ATP6V0A2: variants seen among roughly 807,000 people sequenced by gnomAD.
ATP6V0A2 encodes the protein V-type proton ATPase 116 kDa subunit a 2.
In ATP6V0A2, 58 loss-of-function variants were observed where a neutral mutation model predicts 104.4. That is an observed-to-expected ratio of 0.56 (90% CI 0.45 to 0.69). ATP6V0A2 has a LOEUF of 0.69. ATP6V0A2 is among the 30% of genes least tolerant of loss of function. ATP6V0A2 has a pLI of 0.00. For missense variants in ATP6V0A2, 938 were observed against 1,062.9 expected (o/e 0.88, Z 1.63); for synonymous variants, 376 against 397.9 (o/e 0.95, Z 0.65).
rs1484018793 is a variant in ATP6V0A2 at position 123,760,559 on chromosome 12, A to G, written c.*2527A>G. 2 of 152,000 alleles carry G rather than the reference A, an allele frequency of 1.3e-5. No individual in the cohort carries two copies. Among genetic ancestry groups the G allele is most frequent in the Non-Finnish European group, 2.9e-5 (2 of 68,030 alleles). The allele number at this position is 152,000 out of a possible 1,614,324, so 9.4% of individuals were successfully genotyped here. A position where few individuals can be genotyped will look rare whatever the true frequency, so the allele number is the denominator to read the frequency against. On this transcript the variant is annotated 3_prime_UTR_variant, in exon 20 of 20. Coordinates refer to ENST00000330342, the MANE Select transcript of ATP6V0A2 (RefSeq NM_012463.4). ...AGAGCACAGATGGCAAGTTGTGTGG[A>G]TGATACTGAATATGTTTATTTTCCT...
chr12:123,743,608 A>G (rs940511788), intron 9 of ATP6V0A2, among the ~76,000 whole-genome samples, 177 bp from the exon 10 acceptor site: 3 of 151,702 alleles, frequency 2.0e-5, no homozygotes, highest in Non-Finnish European at 4.4e-5. Context: ...AGCCGAGATC[A>G]CACCATTGCA....
Position 123,759,484 on chromosome 12 carries a change from C to G in ATP6V0A2, c.*1452C>G, listed in dbSNP as rs1196795830. ...GGTTTTTTGTGAACTTGAGTCAGTC[C>G]TATTGAACATTTTGACCTATATTCT... is the stretch of plus-strand genomic sequence containing the variant. On this transcript the variant is annotated 3_prime_UTR_variant, in exon 20 of 20. Coordinates refer to ENST00000330342, the MANE Select transcript of ATP6V0A2 (RefSeq NM_012463.4). 1 of 152,126 alleles carries G rather than the reference C, an allele frequency of 6.6e-6. No homozygotes were observed. The highest frequency in any genetic ancestry group is 1.5e-5 in the Non-Finnish European group (1 of 68,016). 9.4% of individuals were successfully genotyped at this position (152,126 alleles called of 1,614,324 possible). A position where few individuals can be genotyped will look rare whatever the true frequency, so the allele number is the denominator to read the frequency against.
intron 7 of ATP6V0A2, 34 bp from the exon 8 acceptor site, chr12:123,735,497 A>G (rs775194072): frequency 6.3e-7 from 1 of 1,585,396 alleles, no homozygotes; most frequent in South Asian, 1.1e-5. Context: ...TAGTGCTGAC[A>G]GATGTGAGAC....
At chr12:123,746,191 G>GTT (rs996707231) in intron 13 of ATP6V0A2, among the ~76,000 whole-genome samples, 2 of 147,208 alleles carry the variant, frequency 1.4e-5, no homozygotes, top group African/African-American at 2.5e-5. Context: ...GTTTGAGTGA[G>GTT]TTTTTTTTTT....
intron 18 of ATP6V0A2, among the ~76,000 whole-genome samples, chr12:123,756,002 A>G (rs1593922397): frequency 6.8e-6 from 1 of 147,400 alleles, no homozygotes; most frequent in Admixed American, 6.9e-5. Flanking sequence ...AATGGTGTGA[A>G]CCCGGGAGAC....
In ATP6V0A2 at chr12:123,735,503, G is replaced by A. The variant is rs774273923; in HGVS notation, c.732-28G>A. 3.8e-6 allele frequency: 6 copies of A among 1,596,392 alleles called. No homozygotes were observed. In the East Asian group the frequency reaches 1.3e-4, roughly 36 times the overall value. On this transcript the variant is annotated intron_variant, in intron 7 of 19. Coordinates refer to ENST00000330342, the MANE Select transcript of ATP6V0A2 (RefSeq NM_012463.4). Reference sequence around the variant, plus strand: ...GTTTAGTTCTAGTGCTGACAGATGTGAGACTGTGTTCAACTCTTGTCTTCC... The same window carrying A: ...GTTTAGTTCTAGTGCTGACAGATGTAAGACTGTGTTCAACTCTTGTCTTCC...
intron 15 of ATP6V0A2, among the ~76,000 whole-genome samples, chr12:123,749,125 A>G (rs1239649519): frequency 6.6e-6 from 1 of 152,158 alleles, no homozygotes; most frequent in East Asian, 1.9e-4. Context: ...CCTCATCTCT[A>G]CAAAAAACAC....
chr12:123,735,416 G>A (rs544539450), intron 7 of ATP6V0A2, 115 bp from the exon 8 acceptor site: 52 of 914,148 alleles, frequency 5.7e-5, no homozygotes, highest in East Asian at 5.1e-4. Flanking sequence ...ATCTGCACCC[G>A]TGTCTCCCAA....
intron 9 of ATP6V0A2, among the ~76,000 whole-genome samples, chr12:123,743,522 A>G (rs558358239): frequency 3.9e-5 from 6 of 152,176 alleles, no homozygotes; most frequent in African/African-American, 1.2e-4. Context: ...GCATGGTTGC[A>G]TATGCCTGTA....
intron 13 of ATP6V0A2, 33 bp downstream of exon 13, chr12:123,745,005 A>T: frequency 6.3e-7 from 1 of 1,599,878 alleles, no homozygotes; most frequent in East Asian, 2.3e-5. Context: ...TTGTCTCTGG[A>T]TGCTCTGTGG....
chr12:123,713,474 A>G (rs1263223727), intron 1 of ATP6V0A2, among the ~76,000 whole-genome samples: 1 of 152,194 alleles, frequency 6.6e-6, no homozygotes, highest in African/African-American at 2.4e-5. Context: ...GAGAGTAAGT[A>G]CCTTAACGCA....
intron 5 of ATP6V0A2, among the ~76,000 whole-genome samples, chr12:123,727,186 C>CAT (rs1363508758): frequency 1.3e-5 from 2 of 152,276 alleles, no homozygotes; most frequent in Non-Finnish European, 1.5e-5. Context: ...CTGGCTCCTG[C>CAT]ATCCCATGCT....
At chr12:123,724,398 C>A in intron 3 of ATP6V0A2, 2 of 375,400 alleles carry the variant, frequency 5.3e-6, no homozygotes, top group South Asian at 4.4e-5. Context: ...CGTGGTGATG[C>A]GCACCTGTAG....
At chr12:123,751,788 A>C (rs549339118) in intron 16 of ATP6V0A2, among the ~76,000 whole-genome samples, 4 of 152,034 alleles carry the variant, frequency 2.6e-5, no homozygotes, top group South Asian at 4.2e-4. Flanking sequence ...GGCACAATTT[A>C]AATGCCTTTT....
At chr12:123,712,784 G>T in intron 1 of ATP6V0A2, 102 bp downstream of exon 1, 1 of 1,000,966 alleles carries the variant, frequency 1.0e-6, no homozygotes, top group South Asian at 1.4e-5. Context: ...GGAAGGGCGC[G>T]CCCCGTCCCC....
Position 123,727,826 on chromosome 12 carries a change from G to A in ATP6V0A2, c.565G>A (p.Glu189Lys). 6.2e-7 allele frequency: 1 copy of A among 1,614,142 alleles called. No homozygotes were observed. The highest frequency in any genetic ancestry group is 8.5e-7 in the Non-Finnish European group (1 of 1,179,996). Residue 189 changes from glutamate to lysine, a missense_variant, in exon 6 of 20, where the codon GAA becomes AAA. Physicochemically the swap from Glu to Lys is moderately conservative, Grantham distance 56. Coordinates refer to ENST00000330342, the MANE Select transcript of ATP6V0A2 (RefSeq NM_012463.4). ...TAACCAAGGAAAAGTGGAAGCATTT[G>A]AAAAAATGTTGTGGAGAGTCTGCAA... ...LINQGKVEAF[E>K]KMLWRVCKGY...
intron 14 of ATP6V0A2, 31 bp from the exon 15 acceptor site, chr12:123,748,544 C>T (rs773334819): frequency 7.9e-6 from 12 of 1,515,956 alleles, no homozygotes; most frequent in South Asian, 1.1e-5. Flanking sequence ...TGATCTTGTT[C>T]GTGGGTTGAT....
At chr12:123,717,015 T>G (rs1028651205) in intron 1 of ATP6V0A2, among the ~76,000 whole-genome samples, 6 of 152,088 alleles carry the variant, frequency 3.9e-5, no homozygotes, top group Non-Finnish European at 8.8e-5. Flanking sequence ...TGCTTTCACT[T>G]AGTATGAAAG....
At chr12:123,714,021 A>G (rs1478841517) in intron 1 of ATP6V0A2, among the ~76,000 whole-genome samples, 2 of 152,190 alleles carry the variant, frequency 1.3e-5, no homozygotes, top group African/African-American at 4.8e-5. Context: ...CATTCACCTG[A>G]TGGATGCTGC....
Sources: gnomAD v4.1 joint callset for allele counts (sites outside exome capture counted in the v4.1 genomes callset) on GRCh38, gnomAD v4.1.1 for gene constraint, MANE v1.5 for transcripts, NCBI Gene and HGNC (gene_info 2026-07-23, HGNC 2026-07-21) for gene names.